PCDHGA5: variants seen among roughly 807,000 people sequenced by gnomAD.
PCDHGA5 encodes the protein protocadherin gamma-A5.
PCDHGA5 carries 36 observed loss-of-function variants against 56.7 expected under a neutral mutation model. The ratio of observed to expected loss-of-function variants is 0.64; its 90% CI spans 0.49 to 0.84. The LOEUF is 0.84. Ranked by LOEUF, PCDHGA5 falls within the 40% of genes least tolerant of loss-of-function variation. The pLI is 0.00. For synonymous variants in PCDHGA5, 563 were observed against 520.2 expected (o/e 1.08, Z -1.12); for missense variants, 1,305 against 1,201.5 (o/e 1.09, Z -1.27).
chr5:141,448,543 G>C (rs1001667281), intron 1 of PCDHGA5, among the ~76,000 whole-genome samples: 3 of 151,988 alleles, frequency 2.0e-5, no homozygotes, highest in Admixed American at 6.6e-5. Context: ...CATTTCTTAT[G>C]CAAATATGTA....
chr5:141,413,541 GATAGAA>G (rs2095653692), intron 1 of PCDHGA5: 1 of 1,613,904 alleles, frequency 6.2e-7, no homozygotes, highest in Non-Finnish European at 8.5e-7. Flanking sequence ...AACTTTTTGG[GATAGAA>G]ATAGAAGTAA....
rs543209695 is a variant in PCDHGA5, at chr5:141,431,563, C to A, written c.2422-63244C>A. The stretch of plus-strand genomic sequence containing the variant: ...AGCTGCTTGTAGTCAACGCTACCGA[C>A]CCTGACGAAGGAGTCAATGCGGAAG... On this transcript the variant is annotated intron_variant, in intron 1 of 3. Coordinates refer to ENST00000518069, the MANE Select transcript of PCDHGA5 (RefSeq NM_018918.3). The surrounding 1 kb of genome is among the most constrained non-coding windows in gnomAD (Gnocchi z 4.8). 1.2e-6 allele frequency: 2 copies of A among 1,614,144 alleles called. No individual in the cohort carries two copies. The highest frequency in any genetic ancestry group is 2.7e-5 in the African/African-American group (2 of 75,072).
At chr5:141,389,985 T>C (rs754723585) in intron 1 of PCDHGA5, 5 of 1,614,006 alleles carry the variant, frequency 3.1e-6, no homozygotes, top group Non-Finnish European at 4.2e-6. Flanking sequence ...CTCAGTGCTC[T>C]TCCTCGTGGC....
chr5:141,437,892 C>A (rs2097916583), intron 1 of PCDHGA5, among the ~76,000 whole-genome samples: 2 of 152,116 alleles, frequency 1.3e-5, no homozygotes, highest in Admixed American at 1.3e-4. Context: ...CACACGCCAC[C>A]ACACCCAGCT....
intron 1 of PCDHGA5, among the ~76,000 whole-genome samples, chr5:141,446,536 GC>G (rs1043723006): frequency 2.0e-5 from 3 of 152,012 alleles, no homozygotes; most frequent in African/African-American, 7.2e-5. Context: ...GAGTGCAGTG[GC>G]CCTATCTCTG....
rs779718690 is a variant in PCDHGA5, at chr5:141,421,727, C to G, written c.2421+54976C>G. ...AGGGATCCAGATGTGGGCGTGAACT[C>G]CCTCCAGAGCTACCAGCTCAGCCCT... On this transcript the variant is annotated intron_variant, in intron 1 of 3. Coordinates refer to ENST00000518069, the MANE Select transcript of PCDHGA5 (RefSeq NM_018918.3). The G allele has an allele frequency of 1.9e-6, 3 of 1,613,916 alleles. No individual in the cohort carries two copies. In the East Asian group the frequency reaches 6.7e-5, roughly 36 times the overall value.
At chr5:141,416,859 G>C (rs1411419006) in intron 1 of PCDHGA5, 1 of 151,936 alleles carries the variant, frequency 6.6e-6, no homozygotes, top group African/African-American at 2.4e-5. Context: ...ATTTTTTTCA[G>C]GTCAGTCAAC....
chr5:141,491,071 C>T lies in PCDHGA5; in HGVS notation c.2422-3736C>T, dbSNP rs987564933. 1 of 1,614,152 alleles carries T rather than the reference C, an allele frequency of 6.2e-7. No individual in the cohort carries two copies. Among genetic ancestry groups the T allele is most frequent in the Non-Finnish European group, 8.5e-7 (1 of 1,180,028 alleles). ...TGCGTGGCTCTCCTACTCACTGTTGCCACAGTCCACAGCCCCAGGACTGTT... is the reference window on the plus strand; with the variant it reads ...TGCGTGGCTCTCCTACTCACTGTTGTCACAGTCCACAGCCCCAGGACTGTT... On this transcript the variant is annotated intron_variant, in intron 1 of 3. Transcript: ENST00000518069. This position sits in a 1 kb window ranked among gnomAD's most constrained non-coding sequence, Gnocchi z 6.9.
Position 141,510,977 on chromosome 5 carries a change from G to T in PCDHGA5, c.2600G>T (p.Gly867Val). 1.2e-6 allele frequency: 2 copies of T among 1,614,170 alleles called. No individual in the cohort carries two copies. Among genetic ancestry groups the T allele is most frequent in the Non-Finnish European group, 1.7e-6 (2 of 1,180,020 alleles). The change falls in exon 4 of 4, where the codon GGG becomes GTG. Residue 867 changes from glycine to valine, a missense_variant. Physicochemically the swap from Gly to Val is moderately radical, Grantham distance 109. Transcript: ENST00000518069. ...GCTGATGGGAGCTCCACCCTGGGAG[G>T]GGGTGCCGGCACCATGGGATTGAGC... ...EAADGSSTLG[G>V]GAGTMGLSAR...
At chr5:141,408,955 T>G in intron 1 of PCDHGA5, 1 of 1,613,616 alleles carries the variant, frequency 6.2e-7, no homozygotes, top group South Asian at 1.1e-5. Flanking sequence ...GAATTAGTCT[T>G]AGTGAAAATC....
At chr5:141,478,717 C>T (rs1381812771) in intron 1 of PCDHGA5, 1 of 1,545,032 alleles carries the variant, frequency 6.5e-7, no homozygotes, top group South Asian at 1.2e-5. Context: ...GAGATGGTGG[C>T]CTGCCAGAGT....
In PCDHGA5 at chr5:141,489,522, C is replaced by T. The variant is rs371948070; in HGVS notation, c.2422-5285C>T. 2.5e-6 allele frequency: 4 copies of T among 1,614,088 alleles called. No individual in the cohort carries two copies. Among genetic ancestry groups the T allele is most frequent in the Non-Finnish European group, 3.4e-6 (4 of 1,180,036 alleles). On this transcript the variant is annotated intron_variant, in intron 1 of 3. Coordinates refer to ENST00000518069, the MANE Select transcript of PCDHGA5 (RefSeq NM_018918.3). The surrounding 1 kb of genome is among the most constrained non-coding windows in gnomAD (Gnocchi z 4.5). ...TGAATCAAAAGATTGACCGAGAAAG[C>T]CTATGTGGAGCCAGCACCAGCTGCC...
chr5:141,413,049 A>C (rs2095599926), intron 1 of PCDHGA5: 5 of 904,176 alleles, frequency 5.5e-6, no homozygotes, highest in Non-Finnish European at 8.1e-6. Context: ...GCTGCAGGGA[A>C]GCTCACTCCA....
chr5:141,505,794 G>A (rs1423502957), intron 3 of PCDHGA5, among the ~76,000 whole-genome samples: 1 of 152,142 alleles, frequency 6.6e-6, no homozygotes, highest in East Asian at 1.9e-4. Context: ...CTATCCTTGG[G>A]ACTTGGATCG....
intron 1 of PCDHGA5, chr5:141,375,345 C>A (rs749825552): frequency 1.9e-6 from 3 of 1,613,740 alleles, no homozygotes; most frequent in Non-Finnish European, 2.5e-6. Context: ...TACAACATCA[C>A]TGTGACAGCC....
At chr5:141,370,778 C>T in intron 1 of PCDHGA5, 1 of 1,613,986 alleles carries the variant, frequency 6.2e-7, no homozygotes, top group Non-Finnish European at 8.5e-7. Flanking sequence ...ATATTAACGA[C>T]AACCCACCGA....
intron 1 of PCDHGA5, chr5:141,389,555 G>A (rs755878042): frequency 1.2e-5 from 20 of 1,613,076 alleles, no homozygotes; most frequent in East Asian, 6.7e-5. Flanking sequence ...ACGACAATGC[G>A]CCACGGGTGC....
At chr5:141,425,987 G>A (rs1304785231) in intron 1 of PCDHGA5, among the ~76,000 whole-genome samples, 1 of 152,188 alleles carries the variant, frequency 6.6e-6, no homozygotes, top group Non-Finnish European at 1.5e-5. Flanking sequence ...GAATCCCATT[G>A]AATTAGCAAA....
chr5:141,376,321 T>A (rs764863792), intron 1 of PCDHGA5: 5 of 1,614,176 alleles, frequency 3.1e-6, no homozygotes, highest in African/African-American at 1.3e-5. Flanking sequence ...TGGAAGGGGT[T>A]CGGGCTTTCC....
Sources: gnomAD v4.1 joint callset for allele counts (sites outside exome capture counted in the v4.1 genomes callset) on GRCh38, gnomAD v4.1.1 for gene constraint, Gnocchi (gnomAD v3.1) non-coding constraint, MANE v1.5 for transcripts, NCBI Gene and HGNC (gene_info 2026-07-23, HGNC 2026-07-21) for gene names.